The following KLHL21 variants were observed in gnomAD, a reference collection of about 807,000 sequenced individuals.
KLHL21 encodes kelch-like protein 21.
KLHL21 carries 42 observed loss-of-function variants against 44.1 expected under a neutral mutation model. That is an observed-to-expected ratio of 0.95 (90% CI 0.74 to 1.23). KLHL21 has a LOEUF of 1.23. Ranked by LOEUF, KLHL21 falls within the 50% of genes most tolerant of loss-of-function variation. The pLI is 0.00. For synonymous variants in KLHL21, 524 were observed against 411.6 expected, an observed-to-expected ratio of 1.27 and a Z score of -3.31; for missense variants, 918 against 889.1, an observed-to-expected ratio of 1.03 and a Z score of -0.41.
chr1:6,595,375 T>G, intron 3 of KLHL21, 110 bp downstream of exon 3: 4 of 974,124 alleles, frequency 4.1e-6, no homozygotes, highest in Non-Finnish European at 6.5e-6. Context: ...TTAATTGAGA[T>G]GAGACCCACC....
In KLHL21 at chr1:6,599,226, G is replaced by A; in HGVS notation, c.1248C>T (p.Ser416=). ...AGAGCCGGCCACGGCACGCAGTGGT[G>A]GAGCAGTTGTCCATGGGGTAGGTCA... ...QPMTYPMDNC[S]TTACRGRLYA... Residue 416 remains serine (S), a synonymous_variant, in exon 2 of 4, where the codon TCC becomes TCT. Coordinates refer to ENST00000377658, the MANE Select transcript of KLHL21 (RefSeq NM_014851.4). 6.2e-7 allele frequency: 1 copy of A among 1,614,102 alleles called. No homozygotes were observed. Among genetic ancestry groups the A allele is most frequent in the Non-Finnish European group, 8.5e-7 (1 of 1,180,030 alleles).
At chr1:6,599,811 C>T in intron 1 of KLHL21, 2 of 250,080 alleles carry the variant, frequency 8.0e-6, no homozygotes, top group Non-Finnish European at 1.5e-5. Flanking sequence ...CAGAGCTTGT[C>T]AGCAGGGCAC....
At position 6,602,437 on chromosome 1, in the gene KLHL21, G is replaced by A. The variant is rs747516069; in HGVS notation, c.381C>T (p.Ala127=). 48 of 1,591,638 alleles carry A rather than the reference G, an allele frequency of 3.0e-5. No homozygotes were observed. The highest frequency in any genetic ancestry group is 1.6e-4 in the Middle Eastern group (1 of 6,062). ...QFPAVKEACG[A]FLQQQLDLAN... ...CCAGGTCGAGCTGCTGCTGCAGGAA[G>A]GCCCCGCACGCCTCCTTCACGGCCG... Residue 127 remains alanine (A), a synonymous_variant, in exon 1 of 4, where the codon GCC becomes GCT. Coordinates refer to ENST00000377658, the MANE Select transcript of KLHL21 (RefSeq NM_014851.4).
chr1:6,593,979 G>T (rs897093041), intron 3 of KLHL21: 3 of 1,129,594 alleles, frequency 2.7e-6, no homozygotes, highest in Non-Finnish European at 3.3e-6. Flanking sequence ...GCTGAGCAGT[G>T]CTGTTCTCCC....
At position 6,599,320 on chromosome 1, in the gene KLHL21, T is replaced by A. The variant is rs1338211997; in HGVS notation, c.1154A>T (p.Tyr385Phe). ...CTCGGTGCTGTCGGCGGCCACCACG[T>A]ACAGCAGTCCGTCCAGCACAGAGGA... ...HSSSVLDGLL[Y>F]VVAADSTERY... is the part of the protein sequence containing the mutation. Residue 385 changes from tyrosine to phenylalanine, a missense_variant, in exon 2 of 4, where the codon TAC becomes TTC. Coordinates refer to ENST00000377658, the MANE Select transcript of KLHL21 (RefSeq NM_014851.4). 6.2e-7 allele frequency: 1 copy of A among 1,613,790 alleles called. No individual in the cohort carries two copies. Among genetic ancestry groups the A allele is most frequent in the African/African-American group, 1.3e-5 (1 of 74,904 alleles).
Position 6,595,607 on chromosome 1 carries a change from C to T in KLHL21, c.1428-50G>A, listed in dbSNP as rs1379678080. On this transcript the variant is annotated intron_variant, in intron 2 of 3. Coordinates refer to ENST00000377658, the MANE Select transcript of KLHL21 (RefSeq NM_014851.4). ...AACTGCTCAGAGCGAGGAGGAAGTG[C>T]ACACATGCAGGGCTGGAGCAGAGTC... 2.7e-6 allele frequency: 4 copies of T among 1,492,756 alleles called. No homozygotes were observed. The African/African-American group carries it at 4.1e-5, about 15-fold the overall frequency. The allele number at this position is 1,492,756 out of a possible 1,614,324, so 92.5% of individuals were successfully genotyped here.
rs1005386623 is a variant in KLHL21 at position 6,593,403 on chromosome 1, G to A, written c.1756C>T (p.Arg586Ter). The A allele has an allele frequency of 8.7e-6, 14 of 1,606,754 alleles. No individual in the cohort carries two copies. The highest frequency in any genetic ancestry group is 1.3e-5 in the African/African-American group (1 of 74,866). ...TCGGGGTCCCGCGGCGGCCGGGGTCGGCCTGGGTCCATGTCATCGCTGCCA... is the reference window on the plus strand; with the variant it reads ...TCGGGGTCCCGCGGCGGCCGGGGTCAGCCTGGGTCCATGTCATCGCTGCCA... ...DSGSDDMDPGRPRPPRDPDEL... is the reference protein window; with the variant it reads ...DSGSDDMDPG Residue 586 changes from arginine to a stop codon, truncating the protein, a stop_gained, in exon 4 of 4, where the codon CGA becomes TGA. Coordinates refer to ENST00000377658, the MANE Select transcript of KLHL21 (RefSeq NM_014851.4). LOFTEE classifies it high-confidence loss of function.
rs1181898556 is a variant in KLHL21 at position 6,590,930 on chromosome 1, T to C, written c.*2435A>G. 5.0e-5 allele frequency: 20 copies of C among 398,674 alleles called. No individual in the cohort carries two copies. The East Asian group carries it at 6.4e-4, about 13-fold the overall frequency. 24.7% of individuals were successfully genotyped at this position (398,674 alleles called of 1,614,324 possible). On this transcript the variant is annotated 3_prime_UTR_variant, in exon 4 of 4. Transcript: ENST00000377658. ...AGTCATATAAATATAGAATACCTTA[T>C]AGTAGATCAGCATTAAATACCAGTC...
intron 3 of KLHL21, 30 bp downstream of exon 3, chr1:6,595,455 C>A (rs1243642131): frequency 6.2e-7 from 1 of 1,608,760 alleles, no homozygotes; most frequent in Non-Finnish European, 8.5e-7. Context: ...CCAGCCTGTG[C>A]TTCCAATGCT....
chr1:6,596,118 G>A (rs543153006), intron 2 of KLHL21, among the ~76,000 whole-genome samples: 1 of 152,368 alleles, frequency 6.6e-6, no homozygotes, highest in African/African-American at 2.4e-5. Context: ...CAAAGATGCA[G>A]GCCAGGCACT....
In KLHL21 at chr1:6,590,824, T is replaced by G. The variant is rs563453725; in HGVS notation, c.*2541A>C. ...CCTACAGAATAGACAAAAATAAATATGTCAACCTGCCCGACCCTCTGGGGT... is the reference window on the plus strand; with the variant it reads ...CCTACAGAATAGACAAAAATAAATAGGTCAACCTGCCCGACCCTCTGGGGT... On this transcript the variant is annotated 3_prime_UTR_variant, in exon 4 of 4. Transcript: ENST00000377658. 5.0e-6 allele frequency: 2 copies of G among 397,816 alleles called. No homozygotes were observed. The highest frequency in any genetic ancestry group is 8.9e-6 in the Non-Finnish European group (2 of 225,836). 24.6% of individuals were successfully genotyped at this position (397,816 alleles called of 1,614,324 possible). A position where few individuals can be genotyped will look rare whatever the true frequency, so the allele number is the denominator to read the frequency against.
At chr1:6,600,953 G>A (rs1641007420) in intron 1 of KLHL21, among the ~76,000 whole-genome samples, 2 of 152,212 alleles carry the variant, frequency 1.3e-5, no homozygotes, top group South Asian at 4.1e-4. Context: ...ACGTCCCAGA[G>A]TGGGCTCTCT....
chr1:6,600,747 C>A (rs1641004810), intron 1 of KLHL21, among the ~76,000 whole-genome samples: 1 of 152,252 alleles, frequency 6.6e-6, no homozygotes, highest in Admixed American at 6.5e-5. Context: ...TGCTCAAAGC[C>A]ACTGGTCAGA....
chr1:6,593,908 C>T, intron 3 of KLHL21: 1 of 1,288,454 alleles, frequency 7.8e-7, no homozygotes, highest in Non-Finnish European at 9.8e-7. Flanking sequence ...TCCCCGTGTG[C>T]AGGTCGTGCC....
At position 6,601,823 on chromosome 1, in the gene KLHL21, G is replaced by A; in HGVS notation, c.995C>T (p.Ala332Val). 1.9e-6 allele frequency: 3 copies of A among 1,583,434 alleles called. No individual in the cohort carries two copies. The highest frequency in any genetic ancestry group is 2.6e-6 in the Non-Finnish European group (3 of 1,164,772). The change falls in exon 1 of 4, where the codon GCG becomes GTG. Residue 332 changes from alanine (A) to valine (V), a missense_variant. Physicochemically the swap from Ala to Val is moderately conservative, Grantham distance 64 (BLOSUM62 0). Coordinates refer to ENST00000377658, the MANE Select transcript of KLHL21 (RefSeq NM_014851.4). ...CGTCACGTAGATGTCATTGCCCAGC[G>A]CCACGATGCTGTAGCCTCCGCCCAG... Reference protein sequence around the residue: ...DHLGGGYSIVALGNDIYVTGG... With the variant: ...DHLGGGYSIVVLGNDIYVTGG...
At chr1:6,597,460 G>A (rs1640943566) in intron 2 of KLHL21, among the ~76,000 whole-genome samples, 2 of 152,196 alleles carry the variant, frequency 1.3e-5, no homozygotes, top group Admixed American at 1.3e-4. Context: ...CACAACTTGG[G>A]GGAGGGAGAG....
intron 3 of KLHL21, chr1:6,595,170 C>T (rs1640906965): frequency 1.8e-6 from 1 of 568,110 alleles, no homozygotes; most frequent in South Asian, 2.2e-5. Flanking sequence ...TCTGTACCTG[C>T]TGTCCCTCTC....
At chr1:6,595,868 A>AC (rs111720486) in intron 2 of KLHL21, among the ~76,000 whole-genome samples, 45 of 150,900 alleles carry the variant, frequency 3.0e-4, no homozygotes, top group African/African-American at 1.1e-3. Context: ...GCTGTCCCCC[A>AC]CCCCCCAAGC....
rs780444214 is a variant in KLHL21 at position 6,602,555 on chromosome 1, T to G, written c.263A>C (p.Gln88Pro). 1 of 1,536,790 alleles carries G rather than the reference T, an allele frequency of 6.5e-7. No individual in the cohort carries two copies. Among genetic ancestry groups the G allele is most frequent in the Non-Finnish European group, 8.7e-7 (1 of 1,146,698 alleles). ...CGTGTAGCTGAAGTCCAGCAGCAGC[T>G]GCAGCATGTCGGGAGGCACTCCGTG... is the stretch of plus-strand genomic sequence containing the variant. ...RLHGVPPDMLQLLLDFSYTGR... is the reference protein window; with the variant it reads ...RLHGVPPDMLPLLLDFSYTGR... Residue 88 changes from glutamine (Q) to proline (P), a missense_variant, in exon 1 of 4, where the codon CAG becomes CCG. By Grantham distance (76) the Gln-to-Pro change is moderately conservative. Coordinates refer to ENST00000377658, the MANE Select transcript of KLHL21 (RefSeq NM_014851.4).
Sources: allele counts gnomAD v4.1 joint callset (sites outside exome capture counted in the v4.1 genomes callset), GRCh38; gene constraint gnomAD v4.1.1; transcripts MANE v1.5; gene names NCBI Gene and HGNC (gene_info 2026-07-23, HGNC 2026-07-21).